Variants in GRIK1 observed in about 807,000 individuals in gnomAD.
The protein encoded by GRIK1 is glutamate receptor ionotropic, kainate 1.
In GRIK1, 69 loss-of-function variants were observed where a neutral mutation model predicts 105.7. That is an observed-to-expected ratio of 0.65 (90% confidence interval 0.54 to 0.80). The LOEUF is 0.80. Among genes scored for constraint, GRIK1 ranks in the 30% least tolerant of loss-of-function variants. The pLI is 0.00. For synonymous variants in GRIK1, 438 were observed against 431.3 expected (o/e 1.02, Z -0.19); for missense variants, 1,109 against 1,167.3 (o/e 0.95, Z 0.73).
At chr21:29,695,054 T>C (rs1324856332) in intron 1 of GRIK1, among the ~76,000 whole-genome samples, 2 of 152,192 alleles carry the variant, frequency 1.3e-5, no homozygotes, top group Non-Finnish European at 2.9e-5. Context: ...TGAAGAAATA[T>C]GTCCCTTCAC....
chr21:29,665,297 C>T (rs547037403), intron 4 of GRIK1, among the ~76,000 whole-genome samples: 2 of 152,184 alleles, frequency 1.3e-5, no homozygotes, highest in East Asian at 1.9e-4. Context: ...ATAATATACT[C>T]GTAACTATGA....
chr21:29,554,505 T>C (rs1210532680), intron 16 of GRIK1, among the ~76,000 whole-genome samples: 1 of 152,140 alleles, frequency 6.6e-6, no homozygotes, highest in Non-Finnish European at 1.5e-5. Flanking sequence ...TACATTGCAT[T>C]TTCATTTTGT....
intron 14 of GRIK1, among the ~76,000 whole-genome samples, chr21:29,575,069 T>A (rs2090856875): frequency 6.6e-6 from 1 of 152,184 alleles, no homozygotes; most frequent in African/African-American, 2.4e-5. Flanking sequence ...TAAGTCCTAC[T>A]TTTTCCATTA....
intron 1 of GRIK1, among the ~76,000 whole-genome samples, chr21:29,721,407 T>A (rs1256405354): frequency 6.6e-6 from 1 of 152,100 alleles, no homozygotes; most frequent in Non-Finnish European, 1.5e-5. Context: ...CCGCTTTCTC[T>A]TAAAAGTTCA....
In GRIK1 at chr21:29,587,389, G is replaced by C; in HGVS notation, c.1770C>G (p.Ser590Arg). The C allele has an allele frequency of 6.2e-7, 1 of 1,611,240 alleles. No homozygotes were observed. The highest frequency in any genetic ancestry group is 8.5e-7 in the Non-Finnish European group (1 of 1,177,418). The change falls in exon 12 of 18, where the codon AGC becomes AGG. Residue 590 changes from serine (S) to arginine (R), a missense_variant. Physicochemically the swap from Ser to Arg is moderately radical, Grantham distance 110 (BLOSUM62 -1). Around this residue, in one of 5 missense-constraint regions of GRIK1, gnomAD observed 264 missense variants for 306.9 expected, o/e 0.86. Transcript: ENST00000327783. ...MYVLLACLGV[S>R]CVLFVIARFT... is the part of the protein sequence containing the mutation. The stretch of plus-strand genomic sequence containing the variant: ...ACCTTGCAATCACAAAGAGTACACA[G>C]CTGACTCCCAAGCAGGCTAAGAGCA...
At chr21:29,774,823 C>G (rs1353419293) in intron 1 of GRIK1, among the ~76,000 whole-genome samples, 6 of 152,102 alleles carry the variant, frequency 3.9e-5, no homozygotes, top group Non-Finnish European at 8.8e-5. Context: ...GAGACCTGTG[C>G]AGTTGCATGG....
chr21:29,853,258 G>A (rs2068362962), intron 1 of GRIK1, among the ~76,000 whole-genome samples: 1 of 152,176 alleles, frequency 6.6e-6, no homozygotes, highest in Non-Finnish European at 1.5e-5. Context: ...CATTTACATA[G>A]CAGTACAGGG....
At chr21:29,868,790 A>C (rs112754420) in intron 1 of GRIK1, among the ~76,000 whole-genome samples, 66 of 152,194 alleles carry the variant, frequency 4.3e-4, no homozygotes, top group African/African-American at 1.4e-3. Flanking sequence ...CAGCTTTGAA[A>C]AGGTTTCAAG....
chr21:29,689,544 A>G (rs567667853), intron 3 of GRIK1, among the ~76,000 whole-genome samples, 184 bp downstream of exon 3: 1 of 152,370 alleles, frequency 6.6e-6, no homozygotes, highest in South Asian at 2.1e-4. Flanking sequence ...AGAAAGGATC[A>G]ACAAACAAAA....
intron 1 of GRIK1, among the ~76,000 whole-genome samples, chr21:29,697,946 CTTT>C (rs746591146): frequency 8.9e-5 from 11 of 123,738 alleles, no homozygotes; most frequent in African/African-American, 2.5e-4. Flanking sequence ...TTCTTTCTTT[CTTT>C]TTTCTTTCTT....
At chr21:29,688,251 C>T (rs1196854609) in intron 3 of GRIK1, among the ~76,000 whole-genome samples, 1 of 152,074 alleles carries the variant, frequency 6.6e-6, no homozygotes, top group African/African-American at 2.4e-5. Flanking sequence ...TGAGATGAGG[C>T]ACAAGAAAAT....
intron 16 of GRIK1, among the ~76,000 whole-genome samples, chr21:29,544,144 A>G (rs150827776): frequency 1.3e-5 from 2 of 152,150 alleles, no homozygotes; most frequent in African/African-American, 2.4e-5. Flanking sequence ...AAATATACCT[A>G]TGAGGGTCAC....
At chr21:29,588,234 A>T (rs1013040330) in intron 11 of GRIK1, among the ~76,000 whole-genome samples, 1 of 152,050 alleles carries the variant, frequency 6.6e-6, no homozygotes, top group Non-Finnish European at 1.5e-5. Context: ...TCAGACTCCC[A>T]AAGTGTAAAA....
Position 29,846,463 on chromosome 21 carries a change from GAGAAAGAAAGAAAGAAAGAA to G in GRIK1, c.118+92900_118+92919del, listed in dbSNP as rs56303585. 3.2e-3 allele frequency among the ~76,000 whole-genome samples: 410 copies of G among 127,982 alleles called. 4 individuals are homozygous for G. The highest frequency in any genetic ancestry group is 7.2e-3 in the Admixed American group (92 of 12,816). 84.0% of individuals were successfully genotyped at this position (127,982 alleles called of 152,430 possible). ...AAAGAAGGAAAGAAGGAAAGAGAGAGAGAAAGAAAGAAAGAAAGAAAGAAAGAAAGAAAGAAAGAAAGAAA... is the reference window on the plus strand; with the variant it reads ...AAAGAAGGAAAGAAGGAAAGAGAGAGAGAAAGAAAGAAAGAAAGAAAGAAA... On this transcript the variant is annotated intron_variant, in intron 1 of 17. Coordinates refer to ENST00000327783, the MANE Select transcript of GRIK1 (RefSeq NM_001330994.2).
chr21:29,863,650 C>T (rs1016434445), intron 1 of GRIK1, among the ~76,000 whole-genome samples: 1 of 152,120 alleles, frequency 6.6e-6, no homozygotes, highest in Non-Finnish European at 1.5e-5. Flanking sequence ...GTACTCCTGT[C>T]ATTCTTCCAA....
At chr21:29,654,357 C>G (rs2062802836) in intron 5 of GRIK1, among the ~76,000 whole-genome samples, 1 of 152,166 alleles carries the variant, frequency 6.6e-6, no homozygotes, top group Non-Finnish European at 1.5e-5. Flanking sequence ...CAAAACTCCC[C>G]TTTCTGAAGG....
chr21:29,714,241 A>C (rs1372092239), intron 1 of GRIK1, among the ~76,000 whole-genome samples: 2 of 151,828 alleles, frequency 1.3e-5, no homozygotes, highest in Non-Finnish European at 2.9e-5. Flanking sequence ...TCTTCCCATG[A>C]TTGTCTTTGG....
rs11912010 is a variant in GRIK1, at chr21:29,541,787, T to G, written c.2608-3903A>C. Among the ~76,000 whole-genome samples, 1,021 of 144,754 alleles carry G rather than the reference T, an allele frequency of 7.1e-3. 6 individuals are homozygous for G. Among genetic ancestry groups the G allele is most frequent in the African/African-American group, 0.024 (930 of 39,214 alleles). 95.0% of individuals were successfully genotyped at this position (144,754 alleles called of 152,430 possible). ...AGTCCATGTTTCTGTGTCTATGTAG[T>G]TGTAGGCATTATGACAACTTGTATT... On this transcript the variant is annotated intron_variant, in intron 16 of 17. Coordinates refer to ENST00000327783, the MANE Select transcript of GRIK1 (RefSeq NM_001330994.2).
intron 12 of GRIK1, 135 bp from the exon 13 acceptor site, chr21:29,581,678 T>C: frequency 1.7e-6 from 1 of 593,490 alleles, no homozygotes; most frequent in Non-Finnish European, 3.0e-6. Context: ...GTAAAGGCCA[T>C]AGTCATAAAC....
Sources: allele counts gnomAD v4.1 joint callset (sites outside exome capture counted in the v4.1 genomes callset), GRCh38; gene constraint gnomAD v4.1.1; regional missense constraint gnomAD v4.1.1; transcripts MANE v1.5; gene names NCBI Gene and HGNC (gene_info 2026-07-23, HGNC 2026-07-21).